CNTN4: variants seen among roughly 807,000 people sequenced by gnomAD.
CNTN4 encodes contactin 4, also known as contactin-4.
Under a neutral mutation model 122.5 loss-of-function variants are expected in CNTN4, and 77 were observed. The observed-to-expected ratio is 0.63, with a 90% CI of 0.52 to 0.76. The LOEUF (loss-of-function observed/expected upper bound fraction) is 0.76, where lower values mean the gene tolerates loss of function less well. CNTN4 is among the 30% of genes least tolerant of loss of function. The probability of loss-of-function intolerance (pLI) is 0.00; values close to 1 mark genes in which losing one functional copy is unlikely to be tolerated. For synonymous variants in CNTN4, 512 were observed against 447.0 expected (o/e 1.15, Z -1.83); for missense variants, 1,256 against 1,259.1 (o/e 1.00, Z 0.04).
At chr3:2,331,730 A>G (rs1388461054) in intron 2 of CNTN4, among the ~76,000 whole-genome samples, 1 of 152,064 alleles carries the variant, frequency 6.6e-6, no homozygotes, top group Non-Finnish European at 1.5e-5. Context: ...CAGCCTGTCT[A>G]TTGGAACTCA....
rs2094880256 is a variant in CNTN4, at chr3:2,963,281, T to C, written c.1359-25064T>C. 2.0e-5 allele frequency among the ~76,000 whole-genome samples: 3 copies of C among 152,232 alleles called. No homozygotes were observed. The South Asian group carries it at 6.2e-4, about 32-fold the overall frequency. On this transcript the variant is annotated intron_variant, in intron 13 of 24. Transcript: ENST00000418658. ...CTTCAGACCTCGCTCGTATTACCTCTTACTGAGACTCAATTTCCCTTTTAT... is the reference window on the plus strand; with the variant it reads ...CTTCAGACCTCGCTCGTATTACCTCCTACTGAGACTCAATTTCCCTTTTAT...
intron 8 of CNTN4, among the ~76,000 whole-genome samples, chr3:2,880,617 T>G (rs1432895603): frequency 6.6e-6 from 1 of 152,202 alleles, no homozygotes; most frequent in Admixed American, 6.5e-5. Flanking sequence ...GCAAGAGAAC[T>G]CAGACAGCAG....
intron 4 of CNTN4, among the ~76,000 whole-genome samples, chr3:2,725,386 T>C (rs937809129): frequency 7.2e-5 from 11 of 152,306 alleles, no homozygotes; most frequent in African/African-American, 2.6e-4. Context: ...CCTATAGTCC[T>C]CATTTTTAAC....
chr3:2,783,882 C>T (rs1479553451), intron 6 of CNTN4, among the ~76,000 whole-genome samples: 1 of 152,136 alleles, frequency 6.6e-6, no homozygotes, highest in African/African-American at 2.4e-5. Flanking sequence ...GTTAGTTGAA[C>T]CCTATAATTT....
At chr3:3,035,639 C>A (rs1300389330) in intron 17 of CNTN4, among the ~76,000 whole-genome samples, 1 of 152,140 alleles carries the variant, frequency 6.6e-6, no homozygotes, top group East Asian at 1.9e-4. Flanking sequence ...ACACTGCAGC[C>A]TCGACCTCCT....
chr3:2,278,781 A>G (rs2041613439), intron 2 of CNTN4, among the ~76,000 whole-genome samples: 1 of 149,788 alleles, frequency 6.7e-6, no homozygotes, highest in African/African-American at 2.6e-5. Context: ...TAAACACTTC[A>G]TAATATTACT....
intron 6 of CNTN4, among the ~76,000 whole-genome samples, chr3:2,790,936 A>G (rs983166620): frequency 5.3e-5 from 8 of 152,176 alleles, no homozygotes; most frequent in Non-Finnish European, 1.0e-4. Context: ...ATAAGGTTCA[A>G]ATGAGCTTGG....
At chr3:2,225,531 A>G (rs184155319) in intron 2 of CNTN4, among the ~76,000 whole-genome samples, 298 of 152,180 alleles carry the variant, frequency 2.0e-3, no homozygotes, top group Admixed American at 4.1e-3. Flanking sequence ...AAACAAACAA[A>G]AAACAAAAAC....
chr3:3,004,155 TA>T (rs113655726), intron 14 of CNTN4, among the ~76,000 whole-genome samples: 131 of 147,126 alleles, frequency 8.9e-4, no homozygotes, highest in East Asian at 2.8e-3. Flanking sequence ...TTTGCACACT[TA>T]AAAAAAAAAA....
intron 14 of CNTN4, among the ~76,000 whole-genome samples, chr3:3,009,706 T>A (rs1559784546): frequency 6.6e-6 from 1 of 152,332 alleles, no homozygotes; most frequent in East Asian, 1.9e-4. Flanking sequence ...GTGCTGGGAT[T>A]ACAGGCGTGA....
At chr3:2,809,228 C>G (rs78359617) in intron 6 of CNTN4, among the ~76,000 whole-genome samples, 2 of 152,236 alleles carry the variant, frequency 1.3e-5, no homozygotes, top group East Asian at 3.9e-4. Context: ...AGTCAGGTCA[C>G]GGTTGACTTT....
At chr3:3,040,309 T>G (rs1289038365) in intron 20 of CNTN4, 38 bp downstream of exon 20, 1 of 1,452,480 alleles carries the variant, frequency 6.9e-7, no homozygotes. Context: ...ACTGTTAATA[T>G]TTCTTCAATT....
chr3:3,014,634 G>C (rs978062337), intron 14 of CNTN4, among the ~76,000 whole-genome samples: 2 of 151,272 alleles, frequency 1.3e-5, no homozygotes, highest in African/African-American at 4.9e-5. Flanking sequence ...GGATTCTGCC[G>C]CTCTCTGCTT....
intron 4 of CNTN4, among the ~76,000 whole-genome samples, chr3:2,622,446 C>T (rs116477554): frequency 0.041 from 6,219 of 152,182 alleles, 198 homozygotes; most frequent in Admixed American, 0.091. Context: ...TGTGTGCCAC[C>T]ACGCCCAGCT....
rs141769182 is a variant in CNTN4, at chr3:3,020,156, C to T, written c.1487-5946C>T. 2.6e-5 allele frequency among the ~76,000 whole-genome samples: 4 copies of T among 152,038 alleles called. No individual in the cohort carries two copies. In the East Asian group the frequency reaches 5.8e-4, roughly 22 times the overall value. Reference sequence around the variant, plus strand: ...AATAAGAAATACTTAATATAGCTTCCTGATTTATAGTACTTCAAGATTCAA... The same window carrying T: ...AATAAGAAATACTTAATATAGCTTCTTGATTTATAGTACTTCAAGATTCAA... On this transcript the variant is annotated intron_variant, in intron 14 of 24. Coordinates refer to ENST00000418658, the MANE Select transcript of CNTN4 (RefSeq NM_175607.3).
chr3:2,581,600 G>A (rs2079939590), intron 4 of CNTN4, among the ~76,000 whole-genome samples: 1 of 152,104 alleles, frequency 6.6e-6, no homozygotes, highest in Admixed American at 6.5e-5. Context: ...TCAGAGTCTT[G>A]TATTTAGAAA....
intron 14 of CNTN4, among the ~76,000 whole-genome samples, chr3:2,995,594 T>C (rs1311390824): frequency 6.6e-6 from 1 of 152,174 alleles, no homozygotes; most frequent in Non-Finnish European, 1.5e-5. Flanking sequence ...CCTCGTATTT[T>C]TGCTTTTGGC....
intron 2 of CNTN4, among the ~76,000 whole-genome samples, chr3:2,102,310 C>T (rs1011508192): frequency 2.6e-5 from 4 of 152,118 alleles, no homozygotes; most frequent in African/African-American, 9.7e-5. Flanking sequence ...ATTTACAGTC[C>T]TGGGCAATGT....
chr3:2,279,587 A>G (rs1467447064), intron 2 of CNTN4, among the ~76,000 whole-genome samples: 2 of 152,206 alleles, frequency 1.3e-5, no homozygotes, highest in African/African-American at 4.8e-5. Context: ...AAGAAACAGA[A>G]TCAGATGCAA....
Sources: gnomAD v4.1 joint callset for allele counts (sites outside exome capture counted in the v4.1 genomes callset) on GRCh38, gnomAD v4.1.1 for gene constraint, MANE v1.5 for transcripts, NCBI Gene and HGNC (gene_info 2026-07-23, HGNC 2026-07-21) for gene names.